CCDC178: variants seen among roughly 807,000 people sequenced by gnomAD.
CCDC178 encodes the protein coiled-coil domain containing 178, also known as coiled-coil domain-containing protein 178.
A neutral mutation model predicts 117.4 loss-of-function variants in CCDC178; 126 were observed. The ratio of observed to expected loss-of-function variants is 1.07; its 90% CI spans 0.93 to 1.24. CCDC178 has a LOEUF of 1.24. Among genes scored for constraint, CCDC178 ranks in the 50% most tolerant of loss-of-function variants. The pLI, the probability that CCDC178 is intolerant of heterozygous loss-of-function variation, is 0.00. For synonymous variants in CCDC178, 283 were observed against 313.4 expected (o/e 0.90, Z 1.02); for missense variants, 1,030 against 986.9 (o/e 1.04, Z -0.59).
At chr18:32,975,111 T>A (rs977248695) in intron 21 of CCDC178, among the ~76,000 whole-genome samples, 1 of 152,188 alleles carries the variant, frequency 6.6e-6, no homozygotes, top group African/African-American at 2.4e-5. Context: ...ACTTTAAGAC[T>A]TTGATGGACA....
chr18:33,072,620 C>G (rs1022358945), intron 21 of CCDC178, among the ~76,000 whole-genome samples: 3 of 151,990 alleles, frequency 2.0e-5, no homozygotes, highest in African/African-American at 7.2e-5. Flanking sequence ...AAAATGTCTT[C>G]ATTATTTGTG....
intron 20 of CCDC178, among the ~76,000 whole-genome samples, chr18:33,145,459 T>A (rs1211997985): frequency 6.6e-6 from 1 of 152,220 alleles, no homozygotes; most frequent in Non-Finnish European, 1.5e-5. Flanking sequence ...ATTTTAAGTA[T>A]GATTTATTGG....
At chr18:33,341,704 C>T (rs570995536) in intron 9 of CCDC178, among the ~76,000 whole-genome samples, 28 of 152,250 alleles carry the variant, frequency 1.8e-4, no homozygotes, top group Non-Finnish European at 3.5e-4. Flanking sequence ...CTTGCCACCA[C>T]CATGTAAGAA....
At chr18:33,014,298 A>T (rs879679242) in intron 21 of CCDC178, among the ~76,000 whole-genome samples, 1 of 152,212 alleles carries the variant, frequency 6.6e-6, no homozygotes, top group African/African-American at 2.4e-5. Flanking sequence ...CTCATAGTTT[A>T]ATCAGTGTAA....
In CCDC178 at chr18:33,389,609, A is replaced by C; in HGVS notation, c.139T>G (p.Leu47Val). ...TCCTTAGAGGCTCCATATAGAACCA[A>C]ACTTTGAGACATGGCATTGCCTTTT... The part of the protein sequence containing the change: ...TNEGNAMSQS[L>V]VLYGASKENS... Residue 47 changes from leucine to valine, a missense_variant, in exon 5 of 23, where the codon TTG becomes GTG. Transcript: ENST00000383096. The C allele has an allele frequency of 6.6e-7, 1 of 1,508,552 alleles. No individual in the cohort carries two copies. The highest frequency in any genetic ancestry group is 8.8e-7 in the Non-Finnish European group (1 of 1,130,958). The allele number at this position is 1,508,552 out of a possible 1,614,324, so 93.4% of individuals were successfully genotyped here.
intron 11 of CCDC178, among the ~76,000 whole-genome samples, chr18:33,322,398 A>C (rs964572989): frequency 9.9e-5 from 15 of 151,998 alleles, no homozygotes; most frequent in Non-Finnish European, 1.8e-4. Context: ...TGATCTAATG[A>C]AAGAGTAACA....
chr18:33,319,908 T>C (rs539325613), intron 11 of CCDC178, among the ~76,000 whole-genome samples: 37 of 152,328 alleles, frequency 2.4e-4, no homozygotes, highest in Middle Eastern at 3.4e-3. Flanking sequence ...TAAATTTGTT[T>C]GAGTTCTTTG....
intron 20 of CCDC178, among the ~76,000 whole-genome samples, chr18:33,173,589 C>T (rs2058630067): frequency 6.6e-6 from 1 of 152,122 alleles, no homozygotes; most frequent in South Asian, 2.1e-4. Context: ...TTAATGTTTC[C>T]TGCATAAGCA....
chr18:33,364,736 T>A (rs1282462331), intron 6 of CCDC178, among the ~76,000 whole-genome samples: 2 of 149,376 alleles, frequency 1.3e-5, no homozygotes, highest in African/African-American at 4.9e-5. Context: ...TCGCTCCTTT[T>A]TTTTTTTTTT....
intron 21 of CCDC178, among the ~76,000 whole-genome samples, chr18:33,041,351 T>A (rs1167750872): frequency 6.6e-6 from 1 of 151,478 alleles, no homozygotes; most frequent in African/African-American, 2.4e-5. Context: ...GTATTTTATA[T>A]AAAATTTTAA....
chr18:33,197,085 TG>T (rs1350206779), intron 20 of CCDC178, among the ~76,000 whole-genome samples: 1 of 152,162 alleles, frequency 6.6e-6, no homozygotes, highest in Non-Finnish European at 1.5e-5. Context: ...TGGAGCGCAG[TG>T]GTGCTATCAT....
intron 2 of CCDC178, among the ~76,000 whole-genome samples, chr18:33,421,787 A>G (rs2064029947): frequency 6.6e-6 from 1 of 152,206 alleles, no homozygotes; most frequent in Non-Finnish European, 1.5e-5. Context: ...GTGGTTCTAG[A>G]AACAGGGATA....
intron 15 of CCDC178, among the ~76,000 whole-genome samples, chr18:33,239,498 G>A (rs1298489383): frequency 6.8e-6 from 1 of 147,556 alleles, no homozygotes; most frequent in Non-Finnish European, 1.5e-5. Flanking sequence ...TGAAAGTGAC[G>A]TGGTTAAAAA....
In CCDC178 at chr18:33,007,950, A is replaced by G. The variant is rs534062822; in HGVS notation, c.2389-33269T>C. 2.1e-4 allele frequency among the ~76,000 whole-genome samples: 32 copies of G among 152,256 alleles called. 2 individuals are homozygous for G. The South Asian group carries it at 6.6e-3, about 31-fold the overall frequency. ...GTGATAGTACATTTGCATGTCTGCA[A>G]TTCTTTTCTCATTGATCTTCTGGGT... is the stretch of plus-strand genomic sequence containing the variant. On this transcript the variant is annotated intron_variant, in intron 21 of 22. Coordinates refer to ENST00000383096, the MANE Select transcript of CCDC178 (RefSeq NM_001105528.4).
chr18:33,125,388 A>G (rs575673679), intron 20 of CCDC178, among the ~76,000 whole-genome samples: 2 of 152,294 alleles, frequency 1.3e-5, no homozygotes, highest in African/African-American at 4.8e-5. Context: ...GAAGAGTATA[A>G]TCATCACTTA....
intron 21 of CCDC178, among the ~76,000 whole-genome samples, chr18:33,019,956 T>G (rs1323919132): frequency 9.3e-6 from 1 of 107,208 alleles, no homozygotes; most frequent in Non-Finnish European, 2.0e-5. Context: ...TTATTATTAT[T>G]ATTATTTGAG....
chr18:32,978,348 C>A (rs1400548619), intron 21 of CCDC178, among the ~76,000 whole-genome samples: 1 of 150,678 alleles, frequency 6.6e-6, no homozygotes, highest in African/African-American at 2.4e-5. Flanking sequence ...CACACAAACA[C>A]ATTTGCACAC....
At chr18:32,980,690 G>A (rs937886028) in intron 21 of CCDC178, among the ~76,000 whole-genome samples, 2 of 151,824 alleles carry the variant, frequency 1.3e-5, no homozygotes, top group Non-Finnish European at 2.9e-5. Context: ...AAGCTATTTG[G>A]CCTGAAAACA....
At chr18:33,250,868 T>A (rs2059612570) in intron 14 of CCDC178, among the ~76,000 whole-genome samples, 2 of 151,694 alleles carry the variant, frequency 1.3e-5, no homozygotes, top group East Asian at 3.9e-4. Flanking sequence ...ATTGTGAAAT[T>A]TCAGAACTCT....
Sources: gnomAD v4.1 joint callset for allele counts (sites outside exome capture counted in the v4.1 genomes callset) on GRCh38, gnomAD v4.1.1 for gene constraint, MANE v1.5 for transcripts, NCBI Gene and HGNC (gene_info 2026-07-23, HGNC 2026-07-21) for gene names.